ATP6V0A1: variants seen among roughly 807,000 people sequenced by gnomAD.
The protein encoded by ATP6V0A1 is ATPase H+ transporting V0 subunit a1, also known as V-type proton ATPase 116 kDa subunit a 1.
In ATP6V0A1, 43 loss-of-function variants were observed where a neutral mutation model predicts 105.4. The observed-to-expected ratio is 0.41, with a 90% confidence interval of 0.32 to 0.53. The LOEUF (loss-of-function observed/expected upper bound fraction) is 0.53. Among genes scored for constraint, ATP6V0A1 ranks in the 20% least tolerant of loss-of-function variants. The pLI is 0.30. For missense variants in ATP6V0A1, 676 were observed against 1,051.1 expected (o/e 0.64, Z 4.93); for synonymous variants, 362 against 372.8 (o/e 0.97, Z 0.33).
At chr17:42,520,939 C>A in intron 21 of ATP6V0A1, 88 bp from the exon 22 acceptor site, 2 of 1,181,010 alleles carry the variant, frequency 1.7e-6, no homozygotes, top group Non-Finnish European at 1.2e-6. Flanking sequence ...GAGGTGGGCA[C>A]GGGGCATCTT....
rs149215529 is a variant in ATP6V0A1 at position 42,516,020 on chromosome 17, C to T, written c.2420+1560C>T. On this transcript the variant is annotated intron_variant, in intron 21 of 21. Transcript: ENST00000343619. The stretch of plus-strand genomic sequence containing the variant: ...AATGTCTCTGGAAGTTCTGGCCCCT[C>T]TCCCCAGAGGAGCACTCACACACTT... Among the ~76,000 whole-genome samples, 110 of 152,248 alleles carry T rather than the reference C, an allele frequency of 7.2e-4. No individual in the cohort carries two copies. The East Asian group carries it at 0.019, about 27-fold the overall frequency.
In ATP6V0A1 at chr17:42,477,694, C is replaced by T; in HGVS notation, c.458C>T (p.Ser153Phe). Residue 153 changes from serine to phenylalanine, a missense_variant, in exon 6 of 22, where the codon TCC becomes TTC. Transcript: ENST00000343619. ...CCAGACTTGTTGGAAGAGTCCTCAT[C>T]CCTCTTGGAGCCAAGTGAGATGGGA... ...ADPDLLEESS[S>F]LLEPSEMGRG... is the part of the protein sequence containing the mutation. The T allele has an allele frequency of 6.2e-7, 1 of 1,613,920 alleles. No individual in the cohort carries two copies. The highest frequency in any genetic ancestry group is 8.5e-7 in the Non-Finnish European group (1 of 1,179,912).
chr17:42,499,095 T>G, intron 15 of ATP6V0A1, 53 bp downstream of exon 15: 1 of 1,302,222 alleles, frequency 7.7e-7, no homozygotes, highest in South Asian at 1.2e-5. Flanking sequence ...AGAATGCTTT[T>G]GTGTAAAGAA....
In ATP6V0A1 at chr17:42,499,011, T is replaced by C. The variant is rs1230465964; in HGVS notation, c.1648T>C (p.Phe550Leu). ...SVILGIIHML[F>L]GVSLSLFNHI... ...TATCCTTGGTATCATCCATATGCTG[T>C]TTGGAGTCAGCCTGAGTCTGTTCAA... Residue 550 changes from phenylalanine (F) to leucine (L), a missense_variant, in exon 15 of 22, where the codon TTT (phenylalanine) becomes CTT (leucine). Phe to Leu is a conservative substitution (Grantham distance 22). Transcript: ENST00000343619. 2 of 1,612,646 alleles carry C rather than the reference T, an allele frequency of 1.2e-6. No individual in the cohort carries two copies. Among genetic ancestry groups the C allele is most frequent in the African/African-American group, 2.7e-5 (2 of 74,992 alleles).
Position 42,500,934 on chromosome 17 carries a change from C to T in ATP6V0A1, c.1896+11C>T, listed in dbSNP as rs890964118. ...TTGTATTCTGGACAGGTACGTCAGC[C>T]CAGAGGCAGACTGTCTGAGATGATT... On this transcript the variant is annotated intron_variant, in intron 16 of 21. Coordinates refer to ENST00000343619, the MANE Select transcript of ATP6V0A1 (RefSeq NM_001130021.3). 3 of 1,601,832 alleles carry T rather than the reference C, an allele frequency of 1.9e-6. No homozygotes were observed. Among genetic ancestry groups the T allele is most frequent in the African/African-American group, 2.7e-5 (2 of 74,632 alleles).
At chr17:42,468,240 G>T in intron 4 of ATP6V0A1, 133 bp downstream of exon 4, 1 of 517,342 alleles carries the variant, frequency 1.9e-6, no homozygotes, top group Non-Finnish European at 3.4e-6. Flanking sequence ...GTTTCTTGTA[G>T]GTGGGATTTT....
chr17:42,497,265 A>C (rs111461512), intron 14 of ATP6V0A1, among the ~76,000 whole-genome samples: 26 of 145,590 alleles, frequency 1.8e-4, no homozygotes, highest in Non-Finnish European at 3.9e-4. Context: ...ACGTAACTGC[A>C]CTCCGGCCTG....
Position 42,495,639 on chromosome 17 carries a change from C to G in ATP6V0A1, c.1483C>G (p.Arg495Gly). The change falls in exon 14 of 22, where the codon CGG becomes GGG. Residue 495 changes from arginine (R) to glycine (G), a missense_variant. By Grantham distance (125) the Arg-to-Gly change is moderately radical (BLOSUM62 -2). Coordinates refer to ENST00000343619, the MANE Select transcript of ATP6V0A1 (RefSeq NM_001130021.3). ...FTYNWTEETL[R>G]GNPVLQLNPA... ...CTGTCATGGTAGTGAAGAGACGCTTCGGGGGAACCCTGTTCTACAGCTGAA... is the reference window on the plus strand; with the variant it reads ...CTGTCATGGTAGTGAAGAGACGCTTGGGGGGAACCCTGTTCTACAGCTGAA... 1 of 1,613,450 alleles carries G rather than the reference C, an allele frequency of 6.2e-7. No individual in the cohort carries two copies. The highest frequency in any genetic ancestry group is 8.5e-7 in the Non-Finnish European group (1 of 1,179,468).
intron 17 of ATP6V0A1, 46 bp from the exon 18 acceptor site, chr17:42,507,474 A>C: frequency 1.4e-6 from 2 of 1,404,296 alleles, no homozygotes; most frequent in Admixed American, 3.7e-5. Flanking sequence ...ACAGAATGTC[A>C]TGTTAAAGCC....
intron 11 of ATP6V0A1, among the ~76,000 whole-genome samples, chr17:42,490,951 G>A (rs1237779585): frequency 1.3e-5 from 2 of 152,042 alleles, no homozygotes; most frequent in Admixed American, 6.6e-5. Flanking sequence ...CCTCAACCTC[G>A]TGGGCTCAAG....
intron 20 of ATP6V0A1, 148 bp from the exon 21 acceptor site, chr17:42,514,141 C>A: frequency 7.9e-7 from 1 of 1,272,370 alleles, no homozygotes; most frequent in Non-Finnish European, 1.1e-6. Context: ...AGCACTTGTG[C>A]CAGGTTAGCT....
chr17:42,492,739 G>A (rs2090779206), intron 11 of ATP6V0A1, among the ~76,000 whole-genome samples: 2 of 151,396 alleles, frequency 1.3e-5, no homozygotes, highest in Admixed American at 1.3e-4. Context: ...TCATCGGCTG[G>A]GCGTGGTGGT....
intron 15 of ATP6V0A1, among the ~76,000 whole-genome samples, chr17:42,499,389 T>G (rs1382703684): frequency 6.6e-6 from 1 of 151,870 alleles, no homozygotes; most frequent in African/African-American, 2.4e-5. Context: ...GAGAATTGCT[T>G]GAACCTGGGA....
chr17:42,503,918 A>G (rs2091858465), intron 17 of ATP6V0A1, among the ~76,000 whole-genome samples: 1 of 152,274 alleles, frequency 6.6e-6, no homozygotes, highest in South Asian at 2.1e-4. Flanking sequence ...ACAAACCTTT[A>G]GAACACATAC....
intron 4 of ATP6V0A1, among the ~76,000 whole-genome samples, chr17:42,469,632 G>A (rs934685648): frequency 1.3e-5 from 2 of 151,064 alleles, no homozygotes; most frequent in Admixed American, 6.6e-5. Flanking sequence ...CACCATGCCC[G>A]GCCAGGAAAG....
intron 19 of ATP6V0A1, chr17:42,510,680 T>C (rs1287071191): frequency 6.6e-6 from 1 of 152,256 alleles, no homozygotes; most frequent in Non-Finnish European, 1.5e-5. Context: ...TTGCCTCATT[T>C]GGACAACAAG....
rs766919770 is a variant in ATP6V0A1 at position 42,478,531 on chromosome 17, G to A, written c.575G>A (p.Arg192Gln). 6.2e-6 allele frequency: 10 copies of A among 1,609,086 alleles called. No homozygotes were observed. Among genetic ancestry groups the A allele is most frequent in the Non-Finnish European group, 8.5e-6 (10 of 1,177,156 alleles). The change falls in exon 7 of 22, where the codon CGG becomes CAG. Residue 192 changes from arginine to glutamine, a missense_variant. Coordinates refer to ENST00000343619, the MANE Select transcript of ATP6V0A1 (RefSeq NM_001130021.3). ...GAGCGCATGCTTTGGCGGGTATGCC[G>A]GGGAAATGTGTTCCTGCGACAGGCT... ...TFERMLWRVC[R>Q]GNVFLRQAEI...
chr17:42,484,762 A>G lies in ATP6V0A1; in HGVS notation c.810+1631A>G, dbSNP rs532423461. On this transcript the variant is annotated intron_variant, in intron 9 of 21. Transcript: ENST00000343619. ...CTTAGAATATTAATAAACATACTTA[A>G]TCCCAAAGGCAGTTCCTTTTGGCAG... Among the ~76,000 whole-genome samples, 5 of 152,250 alleles carry G rather than the reference A, an allele frequency of 3.3e-5. No individual in the cohort carries two copies. The South Asian group carries it at 1.0e-3, about 32-fold the overall frequency.
chr17:42,501,082 A>G lies in ATP6V0A1; in HGVS notation c.1897-115A>G. ...TTATTTTGAGAAATTGGATAGTGTTATTCATAGATTAGTAAGAAAGTACTG... is the reference window on the plus strand; with the variant it reads ...TTATTTTGAGAAATTGGATAGTGTTGTTCATAGATTAGTAAGAAAGTACTG... On this transcript the variant is annotated intron_variant, in intron 16 of 21. Transcript: ENST00000343619. The G allele has an allele frequency of 6.1e-6, 7 of 1,148,410 alleles. No homozygotes were observed. The East Asian group carries it at 7.1e-5, about 12-fold the overall frequency. The allele number at this position is 1,148,410 out of a possible 1,614,324, so 71.1% of individuals were successfully genotyped here. A position where few individuals can be genotyped will look rare whatever the true frequency, so the allele number is the denominator to read the frequency against.
Sources: gnomAD v4.1 joint callset for allele counts (sites outside exome capture counted in the v4.1 genomes callset) on GRCh38, gnomAD v4.1.1 for gene constraint, MANE v1.5 for transcripts, NCBI Gene and HGNC (gene_info 2026-07-23, HGNC 2026-07-21) for gene names.